RBMS3: variants seen among roughly 807,000 people sequenced by gnomAD.
RBMS3 encodes RNA binding motif single stranded interacting protein 3.
In RBMS3, 27 loss-of-function variants were observed where a neutral mutation model predicts 66.8. The observed-to-expected ratio is 0.40, with a 90% CI of 0.30 to 0.56. RBMS3 has a LOEUF of 0.56. RBMS3 is among the 20% of genes least tolerant of loss of function. RBMS3 has a pLI of 0.40. For missense variants in RBMS3, 513 were observed against 549.5 expected, an observed-to-expected ratio of 0.93 and a Z score of 0.66; for synonymous variants, 188 against 183.0, an observed-to-expected ratio of 1.03 and a Z score of -0.22.
At chr3:29,324,507 T>C (rs748733130) in intron 1 of RBMS3, among the ~76,000 whole-genome samples, 2 of 152,202 alleles carry the variant, frequency 1.3e-5, no homozygotes, top group Non-Finnish European at 2.9e-5. Flanking sequence ...AACGGCCATG[T>C]CCTGGGTCTT....
intron 1 of RBMS3, among the ~76,000 whole-genome samples, chr3:29,395,227 C>G (rs1160381794): frequency 6.6e-6 from 1 of 152,198 alleles, no homozygotes; most frequent in Admixed American, 6.5e-5. Context: ...CAAGTTTTTT[C>G]TAGCCACCAT....
At chr3:29,961,976 A>T (rs1696481306) in intron 12 of RBMS3, among the ~76,000 whole-genome samples, 1 of 141,062 alleles carries the variant, frequency 7.1e-6, no homozygotes, top group Non-Finnish European at 1.6e-5. Context: ...ATATATGTAT[A>T]ATATATATTA....
At position 29,884,163 on chromosome 3, in the gene RBMS3, C is replaced by T. The variant is rs1450328581; in HGVS notation, c.746C>T (p.Ala249Val). The T allele has an allele frequency of 5.0e-6, 8 of 1,611,406 alleles. No homozygotes were observed. The highest frequency in any genetic ancestry group is 4.0e-5 in the African/African-American group (3 of 74,754). Residue 249 changes from alanine to valine, a missense_variant and splice_region_variant, in exon 8 of 15, where the codon GCT (alanine) becomes GTT (valine). Transcript: ENST00000383767. ...CTTCCCTCTTCATCCTATATACAGG[C>T]TGGCATGGCTTTGACCTATGACCCC... Reference protein sequence around the residue: ...NGRPWPREGEAGMALTYDPTA... With the variant: ...NGRPWPREGEVGMALTYDPTA...
intron 10 of RBMS3, among the ~76,000 whole-genome samples, chr3:29,917,620 G>T (rs1425940703): frequency 2.0e-5 from 3 of 152,036 alleles, no homozygotes; most frequent in African/African-American, 7.2e-5. Context: ...GTGTGTGTGT[G>T]TGCATGCATT....
chr3:29,672,279 A>T (rs13061664), intron 4 of RBMS3, among the ~76,000 whole-genome samples: 2 of 152,190 alleles, frequency 1.3e-5, no homozygotes, highest in Non-Finnish European at 2.9e-5. Flanking sequence ...AAGAGCTCCT[A>T]AAGGAAGCAG....
rs575582818 is a variant in RBMS3 at position 29,651,875 on chromosome 3, GAAAT to G, written c.399+64681_399+64684del. ...ATCATATAATTTTAAATACATTCTA[GAAAT>G]AAATAAATAATATAATTTCACTTAC... On this transcript the variant is annotated intron_variant, in intron 4 of 14. Coordinates refer to ENST00000383767, the MANE Select transcript of RBMS3 (RefSeq NM_001003793.3). 1.8e-3 allele frequency among the ~76,000 whole-genome samples: 279 copies of G among 151,986 alleles called. 1 individual carries two copies. The highest frequency in any genetic ancestry group is 2.3e-3 in the Non-Finnish European group (154 of 67,950).
chr3:29,443,470 T>C (rs2041703538), intron 2 of RBMS3, among the ~76,000 whole-genome samples: 1 of 152,110 alleles, frequency 6.6e-6, no homozygotes, highest in Admixed American at 6.6e-5. Context: ...AGGTTGTAAG[T>C]AATGACTAGG....
chr3:29,738,543 G>A (rs938851393), intron 4 of RBMS3, among the ~76,000 whole-genome samples: 12 of 152,150 alleles, frequency 7.9e-5, no homozygotes, highest in Admixed American at 2.6e-4. Context: ...ATTCTATTAA[G>A]CAAAACTTAT....
intron 4 of RBMS3, among the ~76,000 whole-genome samples, chr3:29,598,758 G>A (rs1157205666): frequency 2.6e-5 from 4 of 151,882 alleles, no homozygotes; most frequent in Non-Finnish European, 5.9e-5. Flanking sequence ...GTCTCTAAGA[G>A]CACAATCTGA....
chr3:29,651,207 C>CCT (rs1950887162), intron 4 of RBMS3, among the ~76,000 whole-genome samples: 1 of 152,168 alleles, frequency 6.6e-6, no homozygotes, highest in South Asian at 2.1e-4. Context: ...AGAGGTCTTG[C>CCT]ATAGGACTCT....
At chr3:29,464,356 T>C (rs2042469176) in intron 2 of RBMS3, among the ~76,000 whole-genome samples, 1 of 152,142 alleles carries the variant, frequency 6.6e-6, no homozygotes, top group South Asian at 2.1e-4. Flanking sequence ...GGTTCAAGAT[T>C]GTCAAAAGAG....
intron 4 of RBMS3, among the ~76,000 whole-genome samples, chr3:29,691,526 C>T (rs2052008229): frequency 6.6e-6 from 1 of 152,142 alleles, no homozygotes; most frequent in Non-Finnish European, 1.5e-5. Flanking sequence ...AATAGCCAAT[C>T]ATTTGTTTAA....
intron 12 of RBMS3, among the ~76,000 whole-genome samples, chr3:29,986,712 G>A (rs753475283): frequency 5.9e-5 from 9 of 152,198 alleles, no homozygotes; most frequent in African/African-American, 2.2e-4. Context: ...GGAGGCTGAG[G>A]CAGGTGGATC....
intron 6 of RBMS3, among the ~76,000 whole-genome samples, chr3:29,804,501 G>A (rs1559689296): frequency 6.6e-6 from 1 of 151,916 alleles, no homozygotes; most frequent in Non-Finnish European, 1.5e-5. Context: ...GATAACAGAG[G>A]CTAAAAATTA....
At chr3:29,652,192 T>C (rs2050168297) in intron 4 of RBMS3, among the ~76,000 whole-genome samples, 1 of 152,158 alleles carries the variant, frequency 6.6e-6, no homozygotes, top group South Asian at 2.1e-4. Flanking sequence ...CTGTGAAATG[T>C]ACAGAGATTA....
intron 2 of RBMS3, among the ~76,000 whole-genome samples, chr3:29,438,510 A>G (rs2041486654): frequency 6.6e-6 from 1 of 152,172 alleles, no homozygotes; most frequent in Non-Finnish European, 1.5e-5. Context: ...GAGGAATTCT[A>G]TTCACATTCA....
At chr3:29,396,969 T>C (rs1287480720) in intron 1 of RBMS3, among the ~76,000 whole-genome samples, 1 of 152,186 alleles carries the variant, frequency 6.6e-6, no homozygotes, top group Non-Finnish European at 1.5e-5. Context: ...TTTTACTGCA[T>C]TTTCATTTTT....
At chr3:29,834,588 C>A (rs1236941232) in intron 6 of RBMS3, among the ~76,000 whole-genome samples, 1 of 151,770 alleles carries the variant, frequency 6.6e-6, no homozygotes, top group Non-Finnish European at 1.5e-5. Context: ...AAAGGATGTA[C>A]TATGTAAGCC....
At chr3:29,993,453 G>C (rs964569151) in intron 14 of RBMS3, among the ~76,000 whole-genome samples, 1 of 152,134 alleles carries the variant, frequency 6.6e-6, no homozygotes, top group Non-Finnish European at 1.5e-5. Context: ...TGAGCCACAG[G>C]GTACCCATAT....
Sources: allele counts gnomAD v4.1 joint callset (sites outside exome capture counted in the v4.1 genomes callset), GRCh38; gene constraint gnomAD v4.1.1; transcripts MANE v1.5; gene names NCBI Gene and HGNC (gene_info 2026-07-23, HGNC 2026-07-21).